CERS6: variants seen among roughly 807,000 people sequenced by gnomAD.
CERS6 encodes LAG1 homolog, ceramide synthase 6.
A neutral mutation model predicts 56.8 loss-of-function variants in CERS6; 26 were observed. That is an observed-to-expected ratio of 0.46 (90% CI 0.34 to 0.63). The LOEUF (loss-of-function observed/expected upper bound fraction) is 0.63. Ranked by LOEUF, CERS6 falls within the 30% of genes least tolerant of loss-of-function variation. CERS6 has a pLI of 0.01. For synonymous variants in CERS6, 164 were observed against 173.3 expected, an observed-to-expected ratio of 0.95 and a Z score of 0.42; for missense variants, 415 against 467.5, an observed-to-expected ratio of 0.89 and a Z score of 1.04.
At chr2:168,700,717 A>G (rs1686785125) in intron 6 of CERS6, among the ~76,000 whole-genome samples, 1 of 152,186 alleles carries the variant, frequency 6.6e-6, no homozygotes, top group Admixed American at 6.5e-5. Context: ...AAGTTACTTT[A>G]CCTTTCTGTA....
At chr2:168,726,902 G>A (rs1240524687) in intron 8 of CERS6, among the ~76,000 whole-genome samples, 1 of 152,100 alleles carries the variant, frequency 6.6e-6, no homozygotes, top group Non-Finnish European at 1.5e-5. Flanking sequence ...CCAATTATGA[G>A]GCTTAAACTG....
intron 8 of CERS6, among the ~76,000 whole-genome samples, chr2:168,743,224 GTATATATATATGTGTGTGTGTA>G (rs1683978266): frequency 8.4e-6 from 1 of 118,968 alleles, no homozygotes; most frequent in African/African-American, 2.7e-5. Context: ...ATGTGTGTGT[GTATATATATATGTGTGTGTGTA>G]TATATATATA....
chr2:168,468,848 CT>C (rs1360229643), intron 1 of CERS6, among the ~76,000 whole-genome samples: 1 of 151,916 alleles, frequency 6.6e-6, no homozygotes, highest in African/African-American at 2.4e-5. Flanking sequence ...GAAAACACCC[CT>C]AGCAGCTTAG....
At chr2:168,621,870 A>G (rs1684479175) in intron 3 of CERS6, among the ~76,000 whole-genome samples, 2 of 152,224 alleles carry the variant, frequency 1.3e-5, no homozygotes, top group African/African-American at 4.8e-5. Flanking sequence ...TGACAGGAAA[A>G]CAGGAAAATT....
intron 6 of CERS6, among the ~76,000 whole-genome samples, chr2:168,698,205 C>G (rs566338514): frequency 8.3e-6 from 1 of 120,618 alleles, no homozygotes; most frequent in African/African-American, 3.1e-5. Flanking sequence ...GCACTCCAGC[C>G]GGGGTGATAG....
intron 8 of CERS6, among the ~76,000 whole-genome samples, chr2:168,746,090 A>G (rs1277649869): frequency 6.6e-6 from 1 of 152,210 alleles, no homozygotes; most frequent in African/African-American, 2.4e-5. Flanking sequence ...GTGGGCTCCC[A>G]GTGGCACATC....
At chr2:168,634,790 A>G (rs1684826382) in intron 4 of CERS6, among the ~76,000 whole-genome samples, 1 of 152,194 alleles carries the variant, frequency 6.6e-6, no homozygotes, top group Non-Finnish European at 1.5e-5. Context: ...AGATATACCT[A>G]TGTCTAATTT....
intron 8 of CERS6, among the ~76,000 whole-genome samples, chr2:168,737,442 C>T (rs941701360): frequency 6.6e-5 from 10 of 152,162 alleles, no homozygotes; most frequent in African/African-American, 1.9e-4. Flanking sequence ...CTACCTCTTT[C>T]AAATTCTTTA....
chr2:168,470,955 G>A (rs554116382), intron 1 of CERS6, among the ~76,000 whole-genome samples: 1 of 152,138 alleles, frequency 6.6e-6, no homozygotes, highest in South Asian at 2.1e-4. Context: ...TCCTCCCAAG[G>A]CTGCCTCGCT....
At chr2:168,712,988 C>A (rs1687131822) in intron 6 of CERS6, among the ~76,000 whole-genome samples, 2 of 152,028 alleles carry the variant, frequency 1.3e-5, no homozygotes, top group African/African-American at 2.4e-5. Context: ...TCCCCCATAG[C>A]ACATTTTTAC....
chr2:168,505,381 CCAA>C (rs1694657238), intron 1 of CERS6, among the ~76,000 whole-genome samples: 1 of 8,806 alleles, frequency 1.1e-4, no homozygotes, highest in African/African-American at 4.6e-4. Context: ...GACCCTGTTT[CCAA>C]AAAAAAAAAA....
intron 8 of CERS6, among the ~76,000 whole-genome samples, chr2:168,728,192 C>T (rs115287122): frequency 0.019 from 2,933 of 152,066 alleles, 94 homozygotes; most frequent in African/African-American, 0.066. Context: ...AGGGTTATGG[C>T]CCAGAAAGCC....
At chr2:168,624,067 T>C (rs1464099617) in intron 3 of CERS6, among the ~76,000 whole-genome samples, 3 of 152,210 alleles carry the variant, frequency 2.0e-5, no homozygotes, top group Admixed American at 6.5e-5. Context: ...GACAGAAATA[T>C]ACTGATGTTC....
chr2:168,654,561 CAAAA>C (rs1358517258), intron 4 of CERS6, among the ~76,000 whole-genome samples: 1 of 151,982 alleles, frequency 6.6e-6, no homozygotes, highest in Non-Finnish European at 1.5e-5. Context: ...CAAAACAAAA[CAAAA>C]AACCCAAAAA....
At chr2:168,615,812 GA>G (rs1188224378) in intron 3 of CERS6, among the ~76,000 whole-genome samples, 1 of 152,170 alleles carries the variant, frequency 6.6e-6, no homozygotes, top group Non-Finnish European at 1.5e-5. Context: ...AATAATCGAG[GA>G]AAACTTCCTT....
intron 8 of CERS6, among the ~76,000 whole-genome samples, chr2:168,739,004 G>A (rs1416451790): frequency 1.3e-5 from 2 of 149,206 alleles, no homozygotes; most frequent in Non-Finnish European, 3.0e-5. Context: ...TTCTGCCTCA[G>A]CCTCCCGAGT....
intron 3 of CERS6, among the ~76,000 whole-genome samples, chr2:168,591,902 C>T (rs367628208): frequency 6.6e-5 from 10 of 152,110 alleles, no homozygotes; most frequent in African/African-American, 1.9e-4. Context: ...AGTGAATCTC[C>T]GCATGGACCC....
At position 168,642,354 on chromosome 2, in the gene CERS6, A is replaced by C. The variant is rs77869758; in HGVS notation, c.465+11312A>C. ...GAGACCCTGTCTCAAAAACACAAAA[A>C]AGATCTACCCTCAGAATGTTAGTTC... On this transcript the variant is annotated intron_variant, in intron 4 of 9. Coordinates refer to ENST00000305747, the MANE Select transcript of CERS6 (RefSeq NM_203463.3). 2.5e-3 allele frequency among the ~76,000 whole-genome samples: 382 copies of C among 149,916 alleles called. 1 individual carries two copies. Among genetic ancestry groups the C allele is most frequent in the Middle Eastern group, 4.0e-3 (1 of 250 alleles).
At chr2:168,462,711 T>C (rs1277961800) in intron 1 of CERS6, among the ~76,000 whole-genome samples, 3 of 151,666 alleles carry the variant, frequency 2.0e-5, no homozygotes, top group Admixed American at 6.6e-5. Flanking sequence ...TAATTTTTAA[T>C]TTTTTTTTGG....
Sources: allele counts gnomAD v4.1 joint callset (sites outside exome capture counted in the v4.1 genomes callset), GRCh38; gene constraint gnomAD v4.1.1; transcripts MANE v1.5; gene names NCBI Gene and HGNC (gene_info 2026-07-23, HGNC 2026-07-21).